The following DLGAP2 variants were observed in gnomAD, a reference collection of about 807,000 sequenced individuals.
DLGAP2 encodes the protein disks large-associated protein 2.
A neutral mutation model predicts 100.3 loss-of-function variants in DLGAP2; 26 were observed. The ratio of observed to expected loss-of-function variants is 0.26; its 90% CI spans 0.19 to 0.36. The LOEUF (loss-of-function observed/expected upper bound fraction) is 0.36, where lower values mean the gene tolerates loss of function less well. Among genes scored for constraint, DLGAP2 ranks in the 10% least tolerant of loss-of-function variants. The probability of loss-of-function intolerance (pLI) is 1.00; values close to 1 mark genes in which losing one functional copy is unlikely to be tolerated. For synonymous variants in DLGAP2, 886 were observed against 630.1 expected (o/e 1.41, Z -6.08); for missense variants, 1,858 against 1,453.2 (o/e 1.28, Z -4.53).
intron 3 of DLGAP2, among the ~76,000 whole-genome samples, chr8:1,489,152 T>C (rs907317222): frequency 1.3e-5 from 2 of 152,242 alleles, no homozygotes; most frequent in African/African-American, 4.8e-5. Context: ...ACCTGTGGAC[T>C]GTAAAAGCCT....
intron 2 of DLGAP2, chr8:1,247,194 G>GAGATCAGTGT (rs1798927923): frequency 3.3e-5 from 3 of 89,556 alleles, no homozygotes; most frequent in African/African-American, 1.3e-4. Context: ...GTCGGTGGCT[G>GAGATCAGTGT]GGAAGACCTT....
chr8:1,021,240 C>T (rs565309398), intron 2 of DLGAP2, among the ~76,000 whole-genome samples: 4 of 152,244 alleles, frequency 2.6e-5, no homozygotes, highest in East Asian at 1.9e-4. Flanking sequence ...AAGGATGGAA[C>T]GCATAGATTT....
intron 2 of DLGAP2, among the ~76,000 whole-genome samples, chr8:936,874 A>G (rs1411585542): frequency 2.0e-5 from 3 of 152,192 alleles, no homozygotes; most frequent in Non-Finnish European, 4.4e-5. Context: ...AGTGTAGGAG[A>G]AGATTCTGGT....
intron 8 of DLGAP2, among the ~76,000 whole-genome samples, chr8:1,662,469 G>C (rs1483789091): frequency 6.6e-6 from 1 of 152,160 alleles, no homozygotes; most frequent in Non-Finnish European, 1.5e-5. Flanking sequence ...TGCACTCTTG[G>C]ACCCGTCTCT....
At chr8:926,676 G>A (rs189225128) in intron 2 of DLGAP2, among the ~76,000 whole-genome samples, 39 of 152,352 alleles carry the variant, frequency 2.6e-4, no homozygotes, top group Admixed American at 9.1e-4. Flanking sequence ...TGAAGGGGGT[G>A]TGCGGCAGCC....
chr8:835,448 C>T (rs1796855144), intron 1 of DLGAP2, among the ~76,000 whole-genome samples: 1 of 151,884 alleles, frequency 6.6e-6, no homozygotes, highest in Admixed American at 6.6e-5. Context: ...CCACTGTGCT[C>T]CACGCCGCCC....
chr8:1,675,239 G>A (rs141425001), intron 10 of DLGAP2, among the ~76,000 whole-genome samples: 368 of 152,332 alleles, frequency 2.4e-3, no homozygotes, highest in African/African-American at 8.3e-3. Flanking sequence ...GTTTTCTCGC[G>A]CTCTGTCTTC....
chr8:1,079,715 T>C (rs1228350965), intron 2 of DLGAP2, among the ~76,000 whole-genome samples: 1 of 152,090 alleles, frequency 6.6e-6, no homozygotes, highest in Non-Finnish European at 1.5e-5. Flanking sequence ...TATAATCCAG[T>C]TGGGAGGACA....
In DLGAP2 at chr8:1,516,628, G is replaced by A. The variant is rs575034783; in HGVS notation, c.172+15197G>A. Among the ~76,000 whole-genome samples the A allele has an allele frequency of 5.4e-5, 8 of 147,504 alleles. No homozygotes were observed. The East Asian group carries it at 1.6e-3, about 30-fold the overall frequency. ...ATGAGTGAGTGAATCAGGGAGGGAA[G>A]GAGTGAATGAGTGAGTGAGTGACTG... On this transcript the variant is annotated intron_variant, in intron 4 of 14. Coordinates refer to ENST00000637795, the MANE Select transcript of DLGAP2 (RefSeq NM_001346810.2).
intron 2 of DLGAP2, among the ~76,000 whole-genome samples, chr8:1,258,605 ATTT>A (rs111517773): frequency 1.3e-5 from 2 of 151,950 alleles, no homozygotes; most frequent in Non-Finnish European, 2.9e-5. Context: ...ATTAAAAAAA[ATTT>A]TTTTTAATTC....
intron 2 of DLGAP2, among the ~76,000 whole-genome samples, chr8:1,027,584 T>G (rs1442219900): frequency 6.8e-6 from 1 of 147,916 alleles, no homozygotes; most frequent in Non-Finnish European, 1.5e-5. Flanking sequence ...ATTCTCCAGG[T>G]GGGGTGCCAG....
chr8:1,345,117 A>C (rs1663378797), intron 3 of DLGAP2, among the ~76,000 whole-genome samples: 1 of 127,344 alleles, frequency 7.9e-6, no homozygotes, highest in Non-Finnish European at 1.8e-5. Flanking sequence ...TGCTTATATA[A>C]ATGACATAAT....
intron 3 of DLGAP2, among the ~76,000 whole-genome samples, chr8:1,354,396 C>G (rs1801801998): frequency 1.3e-5 from 2 of 152,084 alleles, no homozygotes; most frequent in African/African-American, 2.4e-5. Flanking sequence ...GCTTGTAGTC[C>G]CAGCTACTCG....
intron 1 of DLGAP2, among the ~76,000 whole-genome samples, chr8:863,883 TG>T (rs1216789034): frequency 2.6e-5 from 4 of 152,132 alleles, no homozygotes; most frequent in African/African-American, 9.7e-5. Flanking sequence ...ATGAGGTTGG[TG>T]TGTGGAAGAG....
At chr8:1,452,957 C>T (rs1029057315) in intron 3 of DLGAP2, among the ~76,000 whole-genome samples, 4 of 152,122 alleles carry the variant, frequency 2.6e-5, no homozygotes, top group African/African-American at 9.7e-5. Context: ...TGATACTTGT[C>T]GGGCGGCAGG....
intron 11 of DLGAP2, among the ~76,000 whole-genome samples, chr8:1,677,665 T>C (rs1563057284): frequency 6.6e-6 from 1 of 152,210 alleles, no homozygotes. Flanking sequence ...GTGGAAAAGA[T>C]GACATTAAAA....
rs537371454 is a variant in DLGAP2, at chr8:1,556,259, G to A, written c.1230+6576G>A. On this transcript the variant is annotated intron_variant, in intron 5 of 14. Transcript: ENST00000637795. Reference sequence around the variant, plus strand: ...GCAGGAGTGCAGGTAGATGGGGTCCGGCTCTGTCCTCTCCCTCCCAGGGCA... The same window carrying A: ...GCAGGAGTGCAGGTAGATGGGGTCCAGCTCTGTCCTCTCCCTCCCAGGGCA... Among the ~76,000 whole-genome samples the A allele has an allele frequency of 5.9e-5, 9 of 152,292 alleles. No homozygotes were observed. The South Asian group carries it at 1.5e-3, about 25-fold the overall frequency.
rs146699521 is a variant in DLGAP2 at position 1,197,054 on chromosome 8, C to A, written c.74-61797C>A. 2.6e-5 allele frequency among the ~76,000 whole-genome samples: 4 copies of A among 152,060 alleles called. No individual in the cohort carries two copies. The South Asian group carries it at 6.2e-4, about 24-fold the overall frequency. ...TGGTCAGGAGGAGATGGAGGCCTCG[C>A]CCAAGAAGAAGGAACAAATTCTCCT... On this transcript the variant is annotated intron_variant, in intron 2 of 14. Transcript: ENST00000637795.
intron 2 of DLGAP2, among the ~76,000 whole-genome samples, chr8:1,138,787 G>A (rs1563211958): frequency 6.6e-6 from 1 of 151,320 alleles, no homozygotes; most frequent in South Asian, 2.1e-4. Context: ...TACTTGTCCT[G>A]ACCTGTGCAG....
Sources: gnomAD v4.1 joint callset for allele counts (sites outside exome capture counted in the v4.1 genomes callset) on GRCh38, gnomAD v4.1.1 for gene constraint, MANE v1.5 for transcripts, NCBI Gene and HGNC (gene_info 2026-07-23, HGNC 2026-07-21) for gene names.